The following AMOTL1 variants were observed in gnomAD, a reference collection of about 807,000 sequenced individuals.
AMOTL1 encodes the protein angiomotin like 1.
AMOTL1 carries 45 observed loss-of-function variants against 102.9 expected under a neutral mutation model. The observed-to-expected ratio is 0.44, with a 90% CI of 0.34 to 0.56. AMOTL1 has a LOEUF of 0.56. Ranked by LOEUF, AMOTL1 falls within the 20% of genes least tolerant of loss-of-function variation. The probability of loss-of-function intolerance (pLI) is 0.01; values close to 1 mark genes in which losing one functional copy is unlikely to be tolerated. For synonymous variants in AMOTL1, 481 were observed against 484.7 expected (o/e 0.99, Z 0.10); for missense variants, 1,114 against 1,225.6 (o/e 0.91, Z 1.36).
intron 4 of AMOTL1, among the ~76,000 whole-genome samples, chr11:94,822,028 T>C (rs957920246): frequency 6.6e-6 from 1 of 152,158 alleles, no homozygotes; most frequent in African/African-American, 2.4e-5. Flanking sequence ...TTGCATATGC[T>C]ACCTTCAGTA....
chr11:94,713,744 A>T (rs1294193257), intron 1 of AMOTL1, among the ~76,000 whole-genome samples: 1 of 151,890 alleles, frequency 6.6e-6, no homozygotes, highest in Non-Finnish European at 1.5e-5. Context: ...AACTGTGTTG[A>T]ACTCATTAGG....
intron 2 of AMOTL1, among the ~76,000 whole-genome samples, chr11:94,796,138 A>T (rs539734826): frequency 7.9e-5 from 12 of 152,318 alleles, no homozygotes; most frequent in Admixed American, 7.8e-4. Context: ...CTTTGGGTTT[A>T]TATCTCAGTT....
intron 6 of AMOTL1, among the ~76,000 whole-genome samples, chr11:94,837,384 C>T (rs1342371233): frequency 2.0e-5 from 3 of 152,188 alleles, no homozygotes; most frequent in African/African-American, 7.2e-5. Context: ...CAACACTTCT[C>T]CCTGCCTTCT....
intron 1 of AMOTL1, among the ~76,000 whole-genome samples, chr11:94,709,565 GC>G (rs996243155): frequency 6.6e-6 from 1 of 152,084 alleles, no homozygotes; most frequent in East Asian, 1.9e-4. Context: ...GTCCAAGTTG[GC>G]CACATGGAGA....
intron 3 of AMOTL1, among the ~76,000 whole-genome samples, chr11:94,810,717 A>G (rs996120782): frequency 1.3e-5 from 2 of 151,926 alleles, no homozygotes; most frequent in African/African-American, 4.8e-5. Context: ...AGAGTGTGGC[A>G]AGAGAAAGGA....
At chr11:94,793,876 A>G (rs1303869371) in intron 1 of AMOTL1, among the ~76,000 whole-genome samples, 1 of 152,234 alleles carries the variant, frequency 6.6e-6, no homozygotes, top group Admixed American at 6.5e-5. Context: ...TCTTGTCAGA[A>G]TCCTTTCTCT....
At chr11:94,789,766 A>G (rs894715201) in intron 1 of AMOTL1, among the ~76,000 whole-genome samples, 1 of 152,234 alleles carries the variant, frequency 6.6e-6, no homozygotes, top group Non-Finnish European at 1.5e-5. Context: ...CTGCTGGCAC[A>G]CTCAGCAAAT....
At position 94,869,488 on chromosome 11, in the gene AMOTL1, C is replaced by A; in HGVS notation, c.2764+15C>A. The A allele has an allele frequency of 6.3e-7, 1 of 1,578,294 alleles. No homozygotes were observed. ...AGAGAAACTGGGTATGTGGGCTACC[C>A]CACCTTGATGCCCCTGAAAACTGTG... is the stretch of plus-strand genomic sequence containing the variant. On this transcript the variant is annotated intron_variant, in intron 12 of 12. Transcript: ENST00000433060.
intron 4 of AMOTL1, among the ~76,000 whole-genome samples, chr11:94,828,180 C>T (rs1301627639): frequency 6.6e-6 from 1 of 152,130 alleles, no homozygotes; most frequent in Non-Finnish European, 1.5e-5. Context: ...GGTTAAGTCT[C>T]CTTACCCCAT....
At chr11:94,829,196 A>G (rs1394789306) in intron 4 of AMOTL1, among the ~76,000 whole-genome samples, 1 of 148,742 alleles carries the variant, frequency 6.7e-6, no homozygotes, top group Non-Finnish European at 1.5e-5. Context: ...ATATTTGTTT[A>G]TGATTAGGTA....
At chr11:94,820,911 A>T (rs1390725988) in intron 3 of AMOTL1, among the ~76,000 whole-genome samples, 1 of 152,216 alleles carries the variant, frequency 6.6e-6, no homozygotes, top group Non-Finnish European at 1.5e-5. Flanking sequence ...AATGTGAACC[A>T]TCGGGAATGG....
intron 1 of AMOTL1, among the ~76,000 whole-genome samples, chr11:94,721,278 A>T (rs1950171106): frequency 6.6e-6 from 1 of 152,164 alleles, no homozygotes. Context: ...AAAAAATCTA[A>T]CATTTTCAAT....
intron 6 of AMOTL1, among the ~76,000 whole-genome samples, chr11:94,834,774 A>G (rs1237241139): frequency 1.3e-5 from 2 of 152,108 alleles, no homozygotes; most frequent in South Asian, 2.1e-4. Context: ...AGAACACCCA[A>G]ACAACTCTTG....
chr11:94,847,809 C>T (rs1952448424), intron 6 of AMOTL1, among the ~76,000 whole-genome samples: 1 of 152,052 alleles, frequency 6.6e-6, no homozygotes, highest in Non-Finnish European at 1.5e-5. Flanking sequence ...ATCTAAATAG[C>T]TATCATTGTG....
At chr11:94,843,425 G>A (rs1322543199) in intron 6 of AMOTL1, among the ~76,000 whole-genome samples, 2 of 152,118 alleles carry the variant, frequency 1.3e-5, no homozygotes, top group Non-Finnish European at 2.9e-5. Context: ...ATATCTTTGA[G>A]GCAGAAGGAA....
At chr11:94,828,925 A>G (rs1190845254) in intron 4 of AMOTL1, among the ~76,000 whole-genome samples, 1 of 152,048 alleles carries the variant, frequency 6.6e-6, no homozygotes, top group Non-Finnish European at 1.5e-5. Flanking sequence ...GCATCCATCC[A>G]TGTTTGCAGG....
chr11:94,746,311 C>G (rs187857326), intron 3 of AMOTL1, among the ~76,000 whole-genome samples: 1 of 152,232 alleles, frequency 6.6e-6, no homozygotes, highest in East Asian at 1.9e-4. Flanking sequence ...CCATGCATAG[C>G]TAGAAGTTAC....
intron 6 of AMOTL1, among the ~76,000 whole-genome samples, chr11:94,843,505 A>G (rs889670105): frequency 6.6e-6 from 1 of 152,202 alleles, no homozygotes; most frequent in Non-Finnish European, 1.5e-5. Flanking sequence ...CCACAACCTC[A>G]GAAAAAAAGA....
upstream of AMOTL1, chr11:94,768,319 C>T: frequency 7.3e-7 from 1 of 1,373,292 alleles, no homozygotes; most frequent in East Asian, 2.9e-5. Flanking sequence ...CCTCCCCGGC[C>T]CGCGCGCGGG....
Sources: allele counts gnomAD v4.1 joint callset (sites outside exome capture counted in the v4.1 genomes callset), GRCh38; gene constraint gnomAD v4.1.1; transcripts MANE v1.5; gene names NCBI Gene and HGNC (gene_info 2026-07-23, HGNC 2026-07-21).